Variants in RLIM observed in about 807,000 individuals in gnomAD.
RLIM encodes E3 ubiquitin-protein ligase RLIM.
A neutral mutation model predicts 34.0 loss-of-function variants in RLIM; 2 were observed. That is an observed-to-expected ratio of 0.06 (90% confidence interval 0.02 to 0.19). The LOEUF (loss-of-function observed/expected upper bound fraction) is 0.19, where lower values mean the gene tolerates loss of function less well. Ranked by LOEUF, RLIM falls within the 10% of genes least tolerant of loss-of-function variation. The pLI is 1.00. For missense variants in RLIM, 286 were observed against 479.7 expected, an observed-to-expected ratio of 0.60 and a Z score of 3.77; for synonymous variants, 169 against 164.0, an observed-to-expected ratio of 1.03 and a Z score of -0.23.
chrX:74,603,682 C>T (rs1405616207), intron 1 of RLIM, among the ~76,000 whole-genome samples: 1 of 111,659 alleles, frequency 9.0e-6, no homozygotes, highest in African/African-American at 3.3e-5. Flanking sequence ...CTCTCTGAAA[C>T]AGCACAGTCC....
At chrX:74,600,282 C>T (rs1385408822) in intron 1 of RLIM, among the ~76,000 whole-genome samples, 1 of 109,299 alleles carries the variant, frequency 9.1e-6, no homozygotes. Flanking sequence ...AAAACAGGCA[C>T]TAAAAAAATA....
At chrX:74,596,556 A>G (rs1474845876) in intron 1 of RLIM, among the ~76,000 whole-genome samples, 1 of 112,292 alleles carries the variant, frequency 8.9e-6, no homozygotes, top group Non-Finnish European at 1.9e-5. Flanking sequence ...CTCGTGCTGC[A>G]TATTTTTATT....
chrX:74,589,817 G>C lies in RLIM; in HGVS notation c.*1623C>G, dbSNP rs2147370756. 1 of 111,858 alleles carries C rather than the reference G, an allele frequency of 8.9e-6. No individual in the cohort carries two copies. Among genetic ancestry groups the C allele is most frequent in the East Asian group, 2.8e-4 (1 of 3,549 alleles). The allele number at this position is 111,858 out of a possible 1,213,427, so 9.2% of individuals were successfully genotyped here. On this transcript the variant is annotated 3_prime_UTR_variant, in exon 4 of 4. Coordinates refer to ENST00000332687, the MANE Select transcript of RLIM (RefSeq NM_016120.4). Reference sequence around the variant, plus strand: ...CATAGTCATTCTAATCCTAACCCCAGCTAGTCTCAAAAAAGAAATTAGGCA... The same window carrying C: ...CATAGTCATTCTAATCCTAACCCCACCTAGTCTCAAAAAAGAAATTAGGCA...
At chrX:74,595,501 A>T (rs1428032723) in intron 2 of RLIM, among the ~76,000 whole-genome samples, 1 of 111,685 alleles carries the variant, frequency 9.0e-6, no homozygotes, top group Non-Finnish European at 1.9e-5. Flanking sequence ...TAGCTATTCC[A>T]CACTCGGATT....
rs758010164 is a variant in RLIM, at chrX:74,585,380, C to T, written c.*6060G>A. On this transcript the variant is annotated 3_prime_UTR_variant, in exon 4 of 4. Coordinates refer to ENST00000332687, the MANE Select transcript of RLIM (RefSeq NM_016120.4). ...TAAAAATCAAGGTTGCACTGTAATT[C>T]CATGACTCTAAAAATCAAGTCTATT... is the stretch of plus-strand genomic sequence containing the variant. 1.3e-4 allele frequency: 14 copies of T among 111,980 alleles called. No individual in the cohort carries two copies. Among genetic ancestry groups the T allele is most frequent in the African/African-American group, 4.2e-4 (13 of 30,872 alleles). 9.2% of individuals were successfully genotyped at this position (111,980 alleles called of 1,213,427 possible).
chrX:74,592,580 A>G lies in RLIM; in HGVS notation c.735T>C (p.Ser245=). ...GATGTTCAAAAGTCTGAGATGAGATACTATGATGAGATCTTCGTGGAATTT... is the reference window on the plus strand; with the variant it reads ...GATGTTCAAAAGTCTGAGATGAGATGCTATGATGAGATCTTCGTGGAATTT... The part of the protein sequence containing the change: ...MSEIPRRSHH[S]ISSQTFEHPL... Residue 245 remains serine (S), a synonymous_variant, in exon 4 of 4, where the codon AGT becomes AGC. Coordinates refer to ENST00000332687, the MANE Select transcript of RLIM (RefSeq NM_016120.4). 8.3e-7 allele frequency: 1 copy of G among 1,211,954 alleles called. No homozygotes were observed. Among genetic ancestry groups the G allele is most frequent in the South Asian group, 1.8e-5 (1 of 57,033 alleles).
rs190333181 is a variant in RLIM at position 74,589,583 on chromosome X, G to T, written c.*1857C>A. The T allele has an allele frequency of 8.9e-6, 1 of 112,387 alleles. No homozygotes were observed. Among genetic ancestry groups the T allele is most frequent in the Admixed American group, 9.4e-5 (1 of 10,601 alleles). The allele number at this position is 112,387 out of a possible 1,213,427, so 9.3% of individuals were successfully genotyped here. ...ACTTAGATAGGATTGAAAGCCAGAA[G>T]AAATCATGGAAGAGTGAGCTTTGAA... On this transcript the variant is annotated 3_prime_UTR_variant, in exon 4 of 4. Transcript: ENST00000332687.
At position 74,587,402 on chromosome X, in the gene RLIM, C is replaced by T. The variant is rs1457563772; in HGVS notation, c.*4038G>A. ...TAGGAGAATAAAAGTGCCCTGCAAA[C>T]ATGGCTTCTATGTACTTAATATGGT... On this transcript the variant is annotated 3_prime_UTR_variant, in exon 4 of 4. Transcript: ENST00000332687. 2 of 110,987 alleles carry T rather than the reference C, an allele frequency of 1.8e-5. No homozygotes were observed. The highest frequency in any genetic ancestry group is 3.8e-5 in the Non-Finnish European group (2 of 53,010). The allele number at this position is 110,987 out of a possible 1,213,427, so 9.1% of individuals were successfully genotyped here. A position where few individuals can be genotyped will look rare whatever the true frequency, so the allele number is the denominator to read the frequency against.
rs1165463567 is a variant in RLIM at position 74,584,320 on chromosome X, TG to T, written c.*7119del. ...TATCTCAGCTGCATTACCTATAAAA[TG>T]GGTGGTATACTTTCACCTCACAGTC... is the stretch of plus-strand genomic sequence containing the variant. On this transcript the variant is annotated 3_prime_UTR_variant, in exon 4 of 4. Transcript: ENST00000332687. Among the ~76,000 whole-genome samples, 2 of 111,941 alleles carry T rather than the reference TG, an allele frequency of 1.8e-5. No individual in the cohort carries two copies. The highest frequency in any genetic ancestry group is 6.5e-5 in the African/African-American group (2 of 30,797).
At chrX:74,608,506 A>C (rs1339861034) in intron 1 of RLIM, among the ~76,000 whole-genome samples, 1 of 111,214 alleles carries the variant, frequency 9.0e-6, no homozygotes, top group African/African-American at 3.3e-5. Context: ...TCACCAACTA[A>C]AAAATTTGTT....
intron 1 of RLIM, among the ~76,000 whole-genome samples, chrX:74,606,259 A>G (rs1008039027): frequency 4.5e-5 from 5 of 111,732 alleles, no homozygotes; most frequent in African/African-American, 1.6e-4. Context: ...CTGTGTGCCA[A>G]TATATCCAAA....
intron 1 of RLIM, among the ~76,000 whole-genome samples, chrX:74,607,363 C>T (rs776252280): frequency 8.9e-6 from 1 of 112,648 alleles, no homozygotes; most frequent in East Asian, 2.8e-4. Context: ...AAATGTGTCA[C>T]ACTGACAAGA....
rs1931263876 is a variant in RLIM, at chrX:74,583,409, T to G, written c.*8031A>C. On this transcript the variant is annotated 3_prime_UTR_variant, in exon 4 of 4. Transcript: ENST00000332687. ...GAATAGCAGGCTGTTGCACTGTAAC[T>G]TGTGGCTGTGCATTAAGATGTTGCT... 1.4e-6 allele frequency: 1 copy of G among 728,382 alleles called. No individual in the cohort carries two copies. The highest frequency in any genetic ancestry group is 2.2e-6 in the Non-Finnish European group (1 of 452,606). 60.0% of individuals were successfully genotyped at this position (728,382 alleles called of 1,213,427 possible). A position where few individuals can be genotyped will look rare whatever the true frequency, so the allele number is the denominator to read the frequency against.
rs1931282702 is a variant in RLIM, at chrX:74,583,923, G to A, written c.*7517C>T. ...TAGCTGGGCGTGGTGGCGGGCGCCT[G>A]TAATCCCAGCTACTCGGGAGGCTGA... On this transcript the variant is annotated 3_prime_UTR_variant, in exon 4 of 4. Transcript: ENST00000332687. 9.0e-6 allele frequency among the ~76,000 whole-genome samples: 1 copy of A among 110,957 alleles called. No homozygotes were observed. The highest frequency in any genetic ancestry group is 1.9e-5 in the Non-Finnish European group (1 of 52,983).
intron 1 of RLIM, chrX:74,612,651 A>T (rs1266551677): frequency 9.0e-6 from 1 of 111,661 alleles, no homozygotes; most frequent in Non-Finnish European, 1.9e-5. Flanking sequence ...GCTCTAGAAA[A>T]AAAAAGAATC....
intron 3 of RLIM, among the ~76,000 whole-genome samples, chrX:74,593,283 G>A (rs1025795895): frequency 2.7e-5 from 3 of 112,358 alleles, no homozygotes; most frequent in Non-Finnish European, 5.6e-5. Flanking sequence ...AGAATTATTT[G>A]ATTTTTAAAG....
chrX:74,614,292 C>T (rs1047879435), intron 1 of RLIM, 130 bp downstream of exon 1: 2 of 112,539 alleles, frequency 1.8e-5, no homozygotes, highest in Admixed American at 9.3e-5. Context: ...GGCCTGGGGT[C>T]CGGAGGCGGC....
chrX:74,606,757 A>C (rs2079683854), intron 1 of RLIM, among the ~76,000 whole-genome samples: 1 of 111,852 alleles, frequency 8.9e-6, no homozygotes, highest in African/African-American at 3.3e-5. Flanking sequence ...ACTGTTAATA[A>C]AACAGACCTT....
At chrX:74,598,569 G>A (rs1009864007) in intron 1 of RLIM, among the ~76,000 whole-genome samples, 7 of 110,666 alleles carry the variant, frequency 6.3e-5, no homozygotes, top group Admixed American at 9.6e-5. Context: ...ACGAGGTCAG[G>A]AGATAGAGAC....
Sources: allele counts gnomAD v4.1 joint callset (sites outside exome capture counted in the v4.1 genomes callset), GRCh38; gene constraint gnomAD v4.1.1; transcripts MANE v1.5; gene names NCBI Gene and HGNC (gene_info 2026-07-23, HGNC 2026-07-21).